ARHGAP29: variants seen among roughly 807,000 people sequenced by gnomAD.
ARHGAP29 encodes the protein Rho GTPase activating protein 29.
A neutral mutation model predicts 122.6 loss-of-function variants in ARHGAP29; 43 were observed. The observed-to-expected ratio is 0.35, with a 90% CI of 0.27 to 0.45. The LOEUF (loss-of-function observed/expected upper bound fraction) is 0.45. ARHGAP29 is among the 20% of genes least tolerant of loss of function. The pLI is 1.00. For missense variants in ARHGAP29, 1,303 were observed against 1,477.2 expected (o/e 0.88, Z 1.93); for synonymous variants, 506 against 497.1 (o/e 1.02, Z -0.24).
Position 94,209,256 on chromosome 1 carries a change from A to G in ARHGAP29, c.435T>C (p.Asn145=). Reference sequence around the variant, plus strand: ...TTAAATGACAGTTCTCTACTTACATATTTCCAAAGGTAAATGCCAAAGTTT... The same window carrying G: ...TTAAATGACAGTTCTCTACTTACATGTTTCCAAAGGTAAATGCCAAAGTTT... The part of the protein sequence containing the change: ...SIETLAFTFG[N]ILTNFLMGDV... The change falls in exon 4 of 23, where the codon AAT becomes AAC. Residue 145 remains asparagine, a splice_region_variant and synonymous_variant. Coordinates refer to ENST00000260526, the MANE Select transcript of ARHGAP29 (RefSeq NM_004815.4). 1 of 1,605,610 alleles carries G rather than the reference A, an allele frequency of 6.2e-7. No homozygotes were observed. The highest frequency in any genetic ancestry group is 1.1e-5 in the South Asian group (1 of 89,966).
intron 12 of ARHGAP29, chr1:94,190,580 A>T (rs897365493): frequency 1.3e-5 from 2 of 152,492 alleles, no homozygotes; most frequent in African/African-American, 2.4e-5. Context: ...ATTCAAAATA[A>T]ATTATTCCAT....
In ARHGAP29 at chr1:94,237,571, G is replaced by A. The variant is rs199828867; in HGVS notation, c.-189C>T. The A allele has an allele frequency of 7.1e-6, 7 of 991,506 alleles. No individual in the cohort carries two copies. Among genetic ancestry groups the A allele is most frequent in the African/African-American group, 1.7e-5 (1 of 57,144 alleles). 61.4% of individuals were successfully genotyped at this position (991,506 alleles called of 1,614,324 possible). A position where few individuals can be genotyped will look rare whatever the true frequency, so the allele number is the denominator to read the frequency against. On this transcript the variant is annotated 5_prime_UTR_variant, in exon 1 of 23. Transcript: ENST00000260526. ...GCCGCAGCCGCAGCCACAGCCACAGGCACCACCACCACTGCAGCCGCCACC... is the reference window on the plus strand; with the variant it reads ...GCCGCAGCCGCAGCCACAGCCACAGACACCACCACCACTGCAGCCGCCACC...
At chr1:94,224,015 G>A (rs1410350824) in intron 2 of ARHGAP29, among the ~76,000 whole-genome samples, 1 of 152,038 alleles carries the variant, frequency 6.6e-6, no homozygotes, top group Non-Finnish European at 1.5e-5. Context: ...CACTATGTTG[G>A]TCAGGCTGGT....
intron 1 of ARHGAP29, among the ~76,000 whole-genome samples, chr1:94,271,126 T>C (rs1307387105): frequency 6.6e-6 from 1 of 152,232 alleles, no homozygotes; most frequent in African/African-American, 2.4e-5. Flanking sequence ...TGGGATTCAG[T>C]GTCTCACATG....
rs150671075 is a variant in ARHGAP29, at chr1:94,182,233, AAGAT to A, written c.2247+1914_2247+1917del. Among the ~76,000 whole-genome samples, 1,263 of 152,268 alleles carry A rather than the reference AAGAT, an allele frequency of 8.3e-3. 7 individuals are homozygous for A. The highest frequency in any genetic ancestry group is 0.014 in the Non-Finnish European group (960 of 68,024). Reference sequence around the variant, plus strand: ...ATGAAATAGTTAATAGCAAGGAAGAAAGATAGAGCTGAGGAAATCTCTTAGAAAG... The same window carrying A: ...ATGAAATAGTTAATAGCAAGGAAGAAAGAGCTGAGGAAATCTCTTAGAAAG... On this transcript the variant is annotated intron_variant, in intron 19 of 22. Transcript: ENST00000260526.
At chr1:94,196,248 GTGTTT>G (rs1650444970) in intron 12 of ARHGAP29, among the ~76,000 whole-genome samples, 1 of 125,004 alleles carries the variant, frequency 8.0e-6, no homozygotes, top group African/African-American at 3.0e-5. Flanking sequence ...CGATTTTTCC[GTGTTT>G]TTCTTTTTTT....
chr1:94,228,377 A>G (rs960219820), intron 2 of ARHGAP29, among the ~76,000 whole-genome samples: 1 of 151,806 alleles, frequency 6.6e-6, no homozygotes, highest in African/African-American at 2.4e-5. Context: ...CAAATTTTGA[A>G]TCACAGATTC....
intron 3 of ARHGAP29, among the ~76,000 whole-genome samples, chr1:94,211,287 C>CCAA (rs1371295014): frequency 6.1e-4 from 22 of 35,992 alleles, no homozygotes; most frequent in African/African-American, 2.3e-3. Context: ...GCTCTGGCTC[C>CCAA]AAAAAAAAAA....
At chr1:94,205,302 T>C in intron 6 of ARHGAP29, 104 bp from the exon 7 acceptor site, 1 of 970,948 alleles carries the variant, frequency 1.0e-6, no homozygotes, top group Non-Finnish European at 1.4e-6. Context: ...TAAAAACTGG[T>C]TTTTAAAAAA....
the ARHGAP29 span, among the ~76,000 whole-genome samples, chr1:94,289,807 T>C: frequency 6.6e-6 from 1 of 152,256 alleles, no homozygotes. Context: ...TTGATTTGCC[T>C]ATGTTGAACC....
intron 1 of ARHGAP29, among the ~76,000 whole-genome samples, chr1:94,253,658 ACG>A (rs1491427311): frequency 3.3e-5 from 5 of 152,028 alleles, no homozygotes; most frequent in Admixed American, 1.3e-4. Context: ...GCACGCACGC[ACG>A]CACGCACGCA....
At chr1:94,201,934 T>C (rs1348083287) in intron 11 of ARHGAP29, 77 bp from the exon 12 acceptor site, 4 of 1,302,744 alleles carry the variant, frequency 3.1e-6, no homozygotes, top group Admixed American at 2.7e-5. Context: ...TAAAGCTAAG[T>C]TGAAATAACT....
chr1:94,204,041 TC>T (rs759975113), intron 7 of ARHGAP29, 47 bp from the exon 8 acceptor site: 1 of 1,470,876 alleles, frequency 6.8e-7, no homozygotes, highest in South Asian at 1.2e-5. Flanking sequence ...AATTTATTTT[TC>T]CCCCTGTATA....
At chr1:94,190,294 T>G (rs1650058255) in intron 12 of ARHGAP29, 2 of 450,106 alleles carry the variant, frequency 4.4e-6, no homozygotes, top group Admixed American at 8.1e-5. Context: ...GAGCAATCAT[T>G]TCCAGCAAAA....
chr1:94,290,408 G>A, the ARHGAP29 span, among the ~76,000 whole-genome samples: 2 of 152,032 alleles, frequency 1.3e-5, no homozygotes, highest in African/African-American at 4.8e-5. Flanking sequence ...AGAGTTTTTT[G>A]TGTCTGTATC....
chr1:94,175,233 T>C lies in ARHGAP29; in HGVS notation c.2906-484A>G, dbSNP rs145860201. Among the ~76,000 whole-genome samples, 72 of 152,270 alleles carry C rather than the reference T, an allele frequency of 4.7e-4. No individual in the cohort carries two copies. The East Asian group carries it at 0.014, about 29-fold the overall frequency. ...ATATGATATTAGATGCCTTAGATGC[T>C]CTCCATATCTGATCAACTAATAAAG... On this transcript the variant is annotated intron_variant, in intron 22 of 22. Coordinates refer to ENST00000260526, the MANE Select transcript of ARHGAP29 (RefSeq NM_004815.4).
At chr1:94,202,003 C>G (rs1414082585) in intron 11 of ARHGAP29, 146 bp from the exon 12 acceptor site, 1 of 794,146 alleles carries the variant, frequency 1.3e-6, no homozygotes, top group Non-Finnish European at 1.9e-6. Flanking sequence ...CTGTTCTGGT[C>G]AGTGATTCAA....
chr1:94,220,237 C>G, intron 3 of ARHGAP29, 21 bp downstream of exon 3: 1 of 1,612,390 alleles, frequency 6.2e-7, no homozygotes, highest in Non-Finnish European at 8.5e-7. Context: ...CAGCAACCCA[C>G]TTTTACTATA....
chr1:94,251,743 T>C (rs1654105114), intron 1 of ARHGAP29, among the ~76,000 whole-genome samples: 1 of 152,182 alleles, frequency 6.6e-6, no homozygotes. Flanking sequence ...CTTGCTGCCT[T>C]CTGGTCTCTC....
Sources: allele counts gnomAD v4.1 joint callset (sites outside exome capture counted in the v4.1 genomes callset), GRCh38; gene constraint gnomAD v4.1.1; transcripts MANE v1.5; gene names NCBI Gene and HGNC (gene_info 2026-07-23, HGNC 2026-07-21).